The following FBXL17 variants were observed in gnomAD, a reference collection of about 807,000 sequenced individuals.
FBXL17 encodes the protein F-box/LRR-repeat protein 17.
FBXL17 carries 22 observed loss-of-function variants against 66.2 expected under a neutral mutation model. The ratio of observed to expected loss-of-function variants is 0.33; its 90% CI spans 0.24 to 0.47. The LOEUF (loss-of-function observed/expected upper bound fraction) is 0.47. Ranked by LOEUF, FBXL17 falls within the 20% of genes least tolerant of loss-of-function variation. The pLI, the probability that FBXL17 is intolerant of heterozygous loss-of-function variation, is 1.00. For synonymous variants in FBXL17, 474 were observed against 400.5 expected (o/e 1.18, Z -2.19); for missense variants, 878 against 948.2 (o/e 0.93, Z 0.97).
chr5:108,333,886 T>C (rs1760253092), intron 4 of FBXL17, among the ~76,000 whole-genome samples: 1 of 152,156 alleles, frequency 6.6e-6, no homozygotes. Flanking sequence ...CTTAGTGAGG[T>C]AACTTCCCAA....
intron 8 of FBXL17, among the ~76,000 whole-genome samples, chr5:107,871,636 G>A (rs185181046): frequency 8.5e-5 from 13 of 152,068 alleles, no homozygotes; most frequent in South Asian, 2.1e-4. Flanking sequence ...GCATATGCAC[G>A]TGTGGTGCAG....
chr5:108,178,077 G>C (rs968803757), intron 6 of FBXL17, among the ~76,000 whole-genome samples: 4 of 151,772 alleles, frequency 2.6e-5, no homozygotes, highest in African/African-American at 9.7e-5. Flanking sequence ...CCAGACTGGA[G>C]AGCAGTGGCA....
At chr5:108,011,208 T>G (rs1324693855) in intron 7 of FBXL17, among the ~76,000 whole-genome samples, 5 of 152,238 alleles carry the variant, frequency 3.3e-5, no homozygotes, top group African/African-American at 1.2e-4. Context: ...GTAGGCTAAT[T>G]AGTAAGTAGC....
chr5:107,989,071 G>A (rs1213481080), intron 7 of FBXL17, among the ~76,000 whole-genome samples: 5 of 152,076 alleles, frequency 3.3e-5, no homozygotes, highest in African/African-American at 1.2e-4. Context: ...TACATACAAT[G>A]TGTAATGATT....
intron 7 of FBXL17, among the ~76,000 whole-genome samples, chr5:107,969,688 T>G (rs1187667483): frequency 6.6e-6 from 1 of 152,144 alleles, no homozygotes; most frequent in Non-Finnish European, 1.5e-5. Context: ...CTGGAAACAC[T>G]GATATTAGAC....
chr5:108,256,634 G>A (rs1756588673), intron 4 of FBXL17, among the ~76,000 whole-genome samples: 1 of 151,966 alleles, frequency 6.6e-6, no homozygotes, highest in Admixed American at 6.6e-5. Flanking sequence ...TAAGGATGAA[G>A]CTGTATTTTC....
chr5:108,264,948 ATTT>A lies in FBXL17; in HGVS notation c.1507-40723_1507-40721del, dbSNP rs557465647. 2.2e-4 allele frequency among the ~76,000 whole-genome samples: 34 copies of A among 151,928 alleles called. No individual in the cohort carries two copies. In the South Asian group the frequency reaches 6.9e-3, roughly 31 times the overall value. ...TATAGTGACAGTTGATAGTTTTTAA[ATTT>A]TTATTGGCATTGTCATAGGTCAAAA... On this transcript the variant is annotated intron_variant, in intron 4 of 8. Coordinates refer to ENST00000542267, the MANE Select transcript of FBXL17 (RefSeq NM_001163315.3).
intron 1 of FBXL17, among the ~76,000 whole-genome samples, chr5:108,368,915 T>TAAAA (rs373667446): frequency 3.9e-4 from 56 of 142,942 alleles, no homozygotes; most frequent in Non-Finnish European, 4.9e-4. Context: ...TACAAGGATT[T>TAAAA]AAAAAAAAAA....
At chr5:108,074,491 T>C (rs1270833853) in intron 6 of FBXL17, among the ~76,000 whole-genome samples, 2 of 152,144 alleles carry the variant, frequency 1.3e-5, no homozygotes, top group Non-Finnish European at 2.9e-5. Context: ...TTGGTCCCTC[T>C]GTTTGCTTCC....
intron 4 of FBXL17, among the ~76,000 whole-genome samples, chr5:108,266,978 T>C: frequency 1.3e-5 from 2 of 152,244 alleles, no homozygotes; most frequent in South Asian, 2.1e-4. Flanking sequence ...GATTTTAGAT[T>C]TATTCTATGG....
chr5:108,138,689 C>T (rs1372993309), intron 6 of FBXL17, among the ~76,000 whole-genome samples: 1 of 152,132 alleles, frequency 6.6e-6, no homozygotes, highest in East Asian at 1.9e-4. Context: ...TTACTTACTA[C>T]TGATTTAGTG....
chr5:108,144,685 T>C (rs929781484), intron 6 of FBXL17, among the ~76,000 whole-genome samples: 1 of 152,166 alleles, frequency 6.6e-6, no homozygotes, highest in African/African-American at 2.4e-5. Flanking sequence ...ATACAGTATG[T>C]CTAATAGATT....
chr5:107,930,709 C>A (rs1378552430), intron 7 of FBXL17, among the ~76,000 whole-genome samples: 1 of 152,032 alleles, frequency 6.6e-6, no homozygotes, highest in Non-Finnish European at 1.5e-5. Flanking sequence ...CTAGCAGGTT[C>A]CTTAAGTTCT....
intron 6 of FBXL17, among the ~76,000 whole-genome samples, chr5:108,142,224 C>A (rs1283978131): frequency 5.9e-5 from 9 of 152,168 alleles, no homozygotes; most frequent in Admixed American, 5.9e-4. Context: ...TGCACTGGTA[C>A]TTCAGAAACT....
intron 6 of FBXL17, among the ~76,000 whole-genome samples, chr5:108,165,403 T>TA (rs1228616219): frequency 1.3e-5 from 2 of 152,150 alleles, no homozygotes; most frequent in Non-Finnish European, 2.9e-5. Context: ...AAATATTTAC[T>TA]AAAAATCTAC....
rs1313701525 is a variant in FBXL17 at position 108,168,315 on chromosome 5, A to T, written c.1745+17802T>A. Among the ~76,000 whole-genome samples, 12 of 152,184 alleles carry T rather than the reference A, an allele frequency of 7.9e-5. No individual in the cohort carries two copies. In the East Asian group the frequency reaches 2.3e-3, roughly 29 times the overall value. ...AAAAGAGAGGGGAAGGGGAAGGGTG[A>T]TCTCATGGAGAAAATTACTTTTACA... On this transcript the variant is annotated intron_variant, in intron 6 of 8. Coordinates refer to ENST00000542267, the MANE Select transcript of FBXL17 (RefSeq NM_001163315.3).
At chr5:108,360,997 T>G (rs1467259603) in intron 3 of FBXL17, among the ~76,000 whole-genome samples, 1 of 152,132 alleles carries the variant, frequency 6.6e-6, no homozygotes, top group Non-Finnish European at 1.5e-5. Context: ...TTCCTTCATT[T>G]CTTTGGCCAT....
At chr5:108,099,021 A>G (rs1002772899) in intron 6 of FBXL17, among the ~76,000 whole-genome samples, 1 of 152,198 alleles carries the variant, frequency 6.6e-6, no homozygotes, top group East Asian at 1.9e-4. Context: ...CAGAGTCATT[A>G]AAGACTCATC....
intron 7 of FBXL17, among the ~76,000 whole-genome samples, chr5:107,893,491 A>T (rs2112520811): frequency 1.3e-5 from 2 of 152,320 alleles, no homozygotes; most frequent in Non-Finnish European, 2.9e-5. Flanking sequence ...TGTTTTGAAA[A>T]GTCTGTAAAA....
Sources: gnomAD v4.1 joint callset for allele counts (sites outside exome capture counted in the v4.1 genomes callset) on GRCh38, gnomAD v4.1.1 for gene constraint, MANE v1.5 for transcripts, NCBI Gene and HGNC (gene_info 2026-07-23, HGNC 2026-07-21) for gene names.